Variants in RGS6 observed in about 807,000 individuals in gnomAD.
RGS6 encodes regulator of G protein signaling 6.
RGS6 carries 30 observed loss-of-function variants against 78.5 expected under a neutral mutation model. The observed-to-expected ratio is 0.38, with a 90% CI of 0.29 to 0.52. The LOEUF is 0.52. RGS6 is among the 20% of genes least tolerant of loss of function. The pLI is 0.85. For missense variants in RGS6, 495 were observed against 609.7 expected, an observed-to-expected ratio of 0.81 and a Z score of 1.98; for synonymous variants, 206 against 206.0, an observed-to-expected ratio of 1.00 and a Z score of 0.00.
chr14:72,250,747 G>T (rs2055538341), intron 2 of RGS6, among the ~76,000 whole-genome samples: 2 of 152,128 alleles, frequency 1.3e-5, no homozygotes, highest in Non-Finnish European at 2.9e-5. Flanking sequence ...AAGAATGTAT[G>T]GTATGGTCAA....
the RGS6 span, among the ~76,000 whole-genome samples, chr14:71,899,895 C>T: frequency 2.6e-5 from 4 of 152,144 alleles, no homozygotes; most frequent in Non-Finnish European, 5.9e-5. Flanking sequence ...TGATTCTTTT[C>T]CTGTTCTTGT....
intron 3 of RGS6, among the ~76,000 whole-genome samples, chr14:72,417,826 C>T (rs1399905186): frequency 6.6e-6 from 1 of 152,192 alleles, no homozygotes; most frequent in African/African-American, 2.4e-5. Context: ...CTTCTTTGCC[C>T]CACTGGTCCC....
At chr14:72,092,489 C>T (rs2095299715) in intron 2 of RGS6, among the ~76,000 whole-genome samples, 1 of 152,152 alleles carries the variant, frequency 6.6e-6, no homozygotes, top group Non-Finnish European at 1.5e-5. Flanking sequence ...TCAAGTGATG[C>T]TCATGCCTCA....
chr14:72,566,944 CAG>C (rs2097713809), downstream of RGS6, among the ~76,000 whole-genome samples: 2 of 152,154 alleles, frequency 1.3e-5, no homozygotes, highest in Admixed American at 6.5e-5. Flanking sequence ...GCTTCTTACA[CAG>C]AGTCTCGGTT....
chr14:72,413,606 A>C (rs143286179), intron 3 of RGS6, among the ~76,000 whole-genome samples: 64 of 152,258 alleles, frequency 4.2e-4, no homozygotes, highest in African/African-American at 1.5e-3. Flanking sequence ...TGATCCTGTT[A>C]TTATGATGTT....
At chr14:72,102,149 C>T (rs901126670) in intron 2 of RGS6, among the ~76,000 whole-genome samples, 14 of 152,234 alleles carry the variant, frequency 9.2e-5, no homozygotes, top group African/African-American at 2.7e-4. Flanking sequence ...ATATTGAAGA[C>T]ATCTCTCTGA....
chr14:72,343,048 T>C (rs926261894), intron 2 of RGS6, among the ~76,000 whole-genome samples: 8 of 152,210 alleles, frequency 5.3e-5, no homozygotes, highest in African/African-American at 1.4e-4. Context: ...AGAATACTGA[T>C]TAGCCAAATA....
intron 3 of RGS6, among the ~76,000 whole-genome samples, chr14:72,437,414 T>C (rs2153191814): frequency 6.6e-6 from 1 of 151,856 alleles, no homozygotes; most frequent in Middle Eastern, 3.4e-3. Flanking sequence ...GCAGCTATCC[T>C]TTGCTGGGGT....
At chr14:71,951,430 C>T (rs1253343714) in intron 1 of RGS6, among the ~76,000 whole-genome samples, 2 of 152,070 alleles carry the variant, frequency 1.3e-5, no homozygotes, top group Non-Finnish European at 2.9e-5. Flanking sequence ...AGAGGGACAG[C>T]ATCAGGAAAA....
chr14:72,148,318 T>G (rs1229653459), intron 2 of RGS6, among the ~76,000 whole-genome samples: 1 of 151,392 alleles, frequency 6.6e-6, no homozygotes, highest in Non-Finnish European at 1.5e-5. Context: ...AGATCACTTG[T>G]GTCCATGAGT....
At chr14:71,936,107 A>C (rs2089301313) in intron 1 of RGS6, among the ~76,000 whole-genome samples, 1 of 148,740 alleles carries the variant, frequency 6.7e-6, no homozygotes, top group South Asian at 2.1e-4. Flanking sequence ...TACATATGAT[A>C]TATGTACATA....
chr14:72,526,341 A>G (rs1311593700), intron 15 of RGS6, among the ~76,000 whole-genome samples: 1 of 151,976 alleles, frequency 6.6e-6, no homozygotes, highest in African/African-American at 2.4e-5. Flanking sequence ...TCCTGACCTC[A>G]TGATCTGCCC....
chr14:72,172,760 C>A (rs773845479), intron 2 of RGS6, among the ~76,000 whole-genome samples: 1 of 152,104 alleles, frequency 6.6e-6, no homozygotes, highest in East Asian at 1.9e-4. Flanking sequence ...ACAACAGTGA[C>A]CGAAACAAAG....
intron 6 of RGS6, 142 bp from the exon 7 acceptor site, chr14:72,465,616 G>A (rs1240380442): frequency 1.5e-5 from 9 of 617,656 alleles, no homozygotes; most frequent in East Asian, 8.9e-5. Flanking sequence ...GTGGATGGGT[G>A]GATGGGTGGA....
the RGS6 span, among the ~76,000 whole-genome samples, chr14:72,580,467 T>C: frequency 3.3e-5 from 5 of 152,118 alleles, no homozygotes; most frequent in East Asian, 1.9e-4. Flanking sequence ...ACTTTAGAAA[T>C]TAGCCCACAG....
chr14:72,554,851 G>A (rs1049085634), intron 17 of RGS6, among the ~76,000 whole-genome samples: 10 of 152,216 alleles, frequency 6.6e-5, no homozygotes, highest in Non-Finnish European at 1.3e-4. Flanking sequence ...CGGGGAGTCT[G>A]GACCTGGCAT....
intron 3 of RGS6, among the ~76,000 whole-genome samples, chr14:72,429,303 T>C (rs1334816289): frequency 6.6e-6 from 1 of 152,224 alleles, no homozygotes; most frequent in Non-Finnish European, 1.5e-5. Flanking sequence ...ATGGCTAGGT[T>C]TAAATTAGGC....
In RGS6 at chr14:72,206,599, G is replaced by A. The variant is rs118130375; in HGVS notation, c.85-145496G>A. Among the ~76,000 whole-genome samples, 369 of 152,192 alleles carry A rather than the reference G, an allele frequency of 2.4e-3. 6 individuals are homozygous for A. In the East Asian group the frequency reaches 0.058, roughly 24 times the overall value. ...GCTGGGGAGGCCTCACAGTCATGGC[G>A]GGAGGAAAGGAGGAGCAAGTCACTT... is the stretch of plus-strand genomic sequence containing the variant. On this transcript the variant is annotated intron_variant, in intron 2 of 17. Coordinates refer to ENST00000553525, the MANE Select transcript of RGS6 (RefSeq NM_001204424.2).
intron 3 of RGS6, among the ~76,000 whole-genome samples, chr14:72,386,968 G>A (rs1478581963): frequency 6.6e-6 from 1 of 152,112 alleles, no homozygotes; most frequent in African/African-American, 2.4e-5. Context: ...TTTTTCAGAT[G>A]AGAGAACTGC....
Sources: allele counts gnomAD v4.1 joint callset (sites outside exome capture counted in the v4.1 genomes callset), GRCh38; gene constraint gnomAD v4.1.1; transcripts MANE v1.5; gene names NCBI Gene and HGNC (gene_info 2026-07-23, HGNC 2026-07-21).